ADCK1: variants seen among roughly 807,000 people sequenced by gnomAD.
ADCK1 encodes the protein aarF domain containing kinase 1.
Under a neutral mutation model 52.3 loss-of-function variants are expected in ADCK1, and 41 were observed. The observed-to-expected ratio is 0.78, with a 90% CI of 0.61 to 1.02. The LOEUF is 1.02. ADCK1 is among the 50% of genes least tolerant of loss of function. The pLI is 0.00. For missense variants in ADCK1, 658 were observed against 679.5 expected (o/e 0.97, Z 0.35); for synonymous variants, 250 against 274.6 (o/e 0.91, Z 0.89).
At chr14:77,874,661 T>C (rs1389747121) in intron 4 of ADCK1, among the ~76,000 whole-genome samples, 2 of 145,896 alleles carry the variant, frequency 1.4e-5, no homozygotes, top group African/African-American at 4.9e-5. Flanking sequence ...CAATCATTTG[T>C]GTATTCATTG....
At chr14:77,908,020 C>A in intron 7 of ADCK1, 101 bp downstream of exon 7, 1 of 929,894 alleles carries the variant, frequency 1.1e-6, no homozygotes. Flanking sequence ...AGAGTCTGGC[C>A]CCCTTGTCTT....
intron 6 of ADCK1, 42 bp from the exon 7 acceptor site, chr14:77,907,761 C>G (rs774699503): frequency 2.1e-5 from 31 of 1,511,100 alleles, no homozygotes; most frequent in Non-Finnish European, 2.6e-5. Flanking sequence ...TGCCCGATTC[C>G]CAGCTTCCCC....
chr14:77,912,091 GATCTGACGTCTTTGTC>G (rs2083805140), intron 7 of ADCK1, among the ~76,000 whole-genome samples: 1 of 152,152 alleles, frequency 6.6e-6, no homozygotes, highest in African/African-American at 2.4e-5. Context: ...ACAGTTTTGG[GATCTGACGTCTTTGTC>G]ATCAATGTGG....
At position 77,809,294 on chromosome 14, in the gene ADCK1, T is replaced by C. The variant is rs1247834016; in HGVS notation, c.-12+9124T>C. Among the ~76,000 whole-genome samples the C allele has an allele frequency of 7.2e-4, 109 of 152,142 alleles. 1 individual carries two copies. Among genetic ancestry groups the C allele is most frequent in the Non-Finnish European group, 2.5e-4 (17 of 68,028 alleles). On this transcript the variant is annotated intron_variant, in intron 1 of 10. Coordinates refer to ENST00000238561, the MANE Select transcript of ADCK1 (RefSeq NM_020421.4). ...ATGGTTGAGTAGTTCAGGCAAGATA[T>C]GATGGCCTACTTCCCCTGTTTATGT...
At chr14:77,832,389 C>T (rs4899678) in intron 3 of ADCK1, among the ~76,000 whole-genome samples, 118,856 of 152,172 alleles carry the variant, frequency 0.78, 46,937 homozygotes, top group Middle Eastern at 0.9. Flanking sequence ...TATACTCTGT[C>T]GTTTCCCTGT....
At chr14:77,931,081 C>T (rs2084319287) in intron 9 of ADCK1, among the ~76,000 whole-genome samples, 1 of 152,160 alleles carries the variant, frequency 6.6e-6, no homozygotes, top group South Asian at 2.1e-4. Context: ...GCAGCATGGT[C>T]TGGCAGGGTG....
chr14:77,841,848 T>TAA (rs59818962), intron 3 of ADCK1, among the ~76,000 whole-genome samples: 12,552 of 109,466 alleles, frequency 0.11, 788 homozygotes, highest in Middle Eastern at 0.17. Flanking sequence ...TGACACTCTT[T>TAA]AAAAAAAAAA....
At chr14:77,899,930 C>T (rs12878486) in intron 6 of ADCK1, among the ~76,000 whole-genome samples, 66,751 of 151,654 alleles carry the variant, frequency 0.44, 15,350 homozygotes, top group Admixed American at 0.54. Flanking sequence ...ATTAGCCTGG[C>T]GTGGTGGCAT....
intron 6 of ADCK1, chr14:77,900,438 G>T (rs2083509034): frequency 3.2e-6 from 1 of 317,182 alleles, no homozygotes; most frequent in Non-Finnish European, 6.2e-6. Context: ...AATACAAAAA[G>T]TAGCTGGGCA....
chr14:77,853,446 A>C (rs569202898), intron 3 of ADCK1, among the ~76,000 whole-genome samples: 1 of 152,210 alleles, frequency 6.6e-6, no homozygotes, highest in South Asian at 2.1e-4. Context: ...AGGGTGGTAG[A>C]TATTTTTGTA....
intron 4 of ADCK1, among the ~76,000 whole-genome samples, chr14:77,861,783 T>G (rs974826461): frequency 6.6e-6 from 1 of 152,184 alleles, no homozygotes; most frequent in African/African-American, 2.4e-5. Flanking sequence ...CCATCCCTGT[T>G]GCAGGCAGGT....
At chr14:77,894,403 A>G (rs1273278407) in intron 5 of ADCK1, among the ~76,000 whole-genome samples, 2 of 152,160 alleles carry the variant, frequency 1.3e-5, no homozygotes, top group Non-Finnish European at 2.9e-5. Context: ...TGATAACAGT[A>G]ACTTGCATTT....
At chr14:77,812,300 C>T (rs1291553028) in intron 1 of ADCK1, among the ~76,000 whole-genome samples, 1 of 152,186 alleles carries the variant, frequency 6.6e-6, no homozygotes, top group Non-Finnish European at 1.5e-5. Context: ...CTCCAACCCC[C>T]AGCCCCTGGT....
chr14:77,908,132 C>T (rs1484015264), intron 7 of ADCK1: 5 of 448,270 alleles, frequency 1.1e-5, no homozygotes, highest in South Asian at 1.1e-4. Context: ...CAGGGACATG[C>T]TGAACCCCTT....
At chr14:77,870,229 A>G (rs1943196407) in intron 4 of ADCK1, among the ~76,000 whole-genome samples, 1 of 152,232 alleles carries the variant, frequency 6.6e-6, no homozygotes, top group African/African-American at 2.4e-5. Context: ...AGAAGGTAAC[A>G]GCTATGTTCA....
rs768996018 is a variant in ADCK1, at chr14:77,887,179, G to A, written c.512G>A (p.Arg171Gln). Residue 171 changes from arginine (R) to glutamine (Q), a missense_variant, in exon 5 of 11, where the codon CGG becomes CAG. Physicochemically the swap from Arg to Gln is conservative, Grantham distance 43. Coordinates refer to ENST00000238561, the MANE Select transcript of ADCK1 (RefSeq NM_020421.4). ...CACAAGGCAGTGCTGCATGATGGGCGGACGGTGGCCGTGAAGGTCCAGCAC... is the reference window on the plus strand; with the variant it reads ...CACAAGGCAGTGCTGCATGATGGGCAGACGGTGGCCGTGAAGGTCCAGCAC... ...QVHKAVLHDG[R>Q]TVAVKVQHPK... is the part of the protein sequence containing the mutation. 5.6e-6 allele frequency: 9 copies of A among 1,610,376 alleles called. No homozygotes were observed. Among genetic ancestry groups the A allele is most frequent in the African/African-American group, 4.0e-5 (3 of 74,692 alleles).
At chr14:77,852,683 A>ATATATATTATATATATATAT (rs1566667364) in intron 3 of ADCK1, among the ~76,000 whole-genome samples, 2 of 84,026 alleles carry the variant, frequency 2.4e-5, no homozygotes, top group Non-Finnish European at 4.7e-5. Context: ...ATATATATAT[A>ATATATATTATATATATATAT]TATATATATA....
intron 3 of ADCK1, among the ~76,000 whole-genome samples, chr14:77,848,148 T>G (rs2082209745): frequency 6.6e-6 from 1 of 152,210 alleles, no homozygotes. Flanking sequence ...CAAGCAGTCC[T>G]CCTATCTTGG....
At chr14:77,905,935 A>G (rs776029505) in intron 6 of ADCK1, among the ~76,000 whole-genome samples, 6 of 152,174 alleles carry the variant, frequency 3.9e-5, no homozygotes, top group Admixed American at 6.5e-5. Flanking sequence ...AGATTTCTCT[A>G]TTGGCCCAGA....
Sources: allele counts gnomAD v4.1 joint callset (sites outside exome capture counted in the v4.1 genomes callset), GRCh38; gene constraint gnomAD v4.1.1; transcripts MANE v1.5; gene names NCBI Gene and HGNC (gene_info 2026-07-23, HGNC 2026-07-21).